Variants in DSC2 observed in about 807,000 individuals in gnomAD.
DSC2 encodes desmocollin-2.
A neutral mutation model predicts 87.6 loss-of-function variants in DSC2; 51 were observed. The observed-to-expected ratio is 0.58, with a 90% CI of 0.46 to 0.74. The LOEUF (loss-of-function observed/expected upper bound fraction) is 0.74, where lower values mean the gene tolerates loss of function less well. Ranked by LOEUF, DSC2 falls within the 30% of genes least tolerant of loss-of-function variation. DSC2 has a pLI of 0.00. For missense variants in DSC2, 1,066 were observed against 1,089.5 expected (o/e 0.98, Z 0.30); for synonymous variants, 383 against 393.2 (o/e 0.97, Z 0.31).
intron 2 of DSC2, 61 bp downstream of exon 2, chr18:31,093,498 T>A: frequency 7.6e-7 from 1 of 1,318,048 alleles, no homozygotes; most frequent in South Asian, 1.2e-5. Flanking sequence ...TGTGTAGTAT[T>A]CCATGGCGTA....
chr18:31,101,326 G>A, intron 1 of DSC2: 4 of 951,700 alleles, frequency 4.2e-6, no homozygotes, highest in Non-Finnish European at 5.0e-6. Flanking sequence ...TCCCAGAAAG[G>A]CGAGCAGTTC....
chr18:31,081,551 A>C (rs1468936870), intron 9 of DSC2, among the ~76,000 whole-genome samples: 1 of 152,224 alleles, frequency 6.6e-6, no homozygotes, highest in Non-Finnish European at 1.5e-5. Flanking sequence ...CATTGTAAGG[A>C]AAATGGATTC....
rs1033335246 is a variant in DSC2, at chr18:31,062,514, G to C, written c.*5501C>G. Reference sequence around the variant, plus strand: ...CAAGTTGAGAAAAAGAATTCTTTAGGCAATATGCAGTCTGATCTTAGCCAG... The same window carrying C: ...CAAGTTGAGAAAAAGAATTCTTTAGCCAATATGCAGTCTGATCTTAGCCAG... On this transcript the variant is annotated 3_prime_UTR_variant, in exon 16 of 16. Coordinates refer to ENST00000280904, the MANE Select transcript of DSC2 (RefSeq NM_024422.6). 5.9e-5 allele frequency: 9 copies of C among 152,056 alleles called. No individual in the cohort carries two copies. Among genetic ancestry groups the C allele is most frequent in the African/African-American group, 2.2e-4 (9 of 41,388 alleles). The allele number at this position is 152,056 out of a possible 1,614,324, so 9.4% of individuals were successfully genotyped here. A position where few individuals can be genotyped will look rare whatever the true frequency, so the allele number is the denominator to read the frequency against.
At chr18:31,076,951 A>G (rs1206398603) in intron 11 of DSC2, among the ~76,000 whole-genome samples, 1 of 152,218 alleles carries the variant, frequency 6.6e-6, no homozygotes, top group East Asian at 1.9e-4. Context: ...ATGGGAAAGA[A>G]GCTGTTGACT....
At chr18:31,094,485 A>G (rs1217090839) in intron 1 of DSC2, among the ~76,000 whole-genome samples, 2 of 152,234 alleles carry the variant, frequency 1.3e-5, no homozygotes, top group Non-Finnish European at 2.9e-5. Flanking sequence ...CCAATGCAAC[A>G]TATACGTAAA....
At chr18:31,100,348 T>C (rs1243243494) in intron 1 of DSC2, among the ~76,000 whole-genome samples, 2 of 152,242 alleles carry the variant, frequency 1.3e-5, no homozygotes, top group Admixed American at 6.5e-5. Flanking sequence ...TGCAGAGCAA[T>C]GCCACGCATT....
rs1243089078 is a variant in DSC2 at position 31,064,174 on chromosome 18, ACAT to A, written c.*3838_*3840del. On this transcript the variant is annotated 3_prime_UTR_variant, in exon 16 of 16. Transcript: ENST00000280904. Reference sequence around the variant, plus strand: ...CTCACTAGTGTCCTGAAGTTCTTTCACATCATCTGAAGCTTTTTAAAAACATGC... The same window carrying A: ...CTCACTAGTGTCCTGAAGTTCTTTCACATCTGAAGCTTTTTAAAAACATGC... 1.3e-5 allele frequency: 2 copies of A among 152,200 alleles called. No individual in the cohort carries two copies. Among genetic ancestry groups the A allele is most frequent in the African/African-American group, 4.8e-5 (2 of 41,460 alleles). The allele number at this position is 152,200 out of a possible 1,614,324, so 9.4% of individuals were successfully genotyped here.
At chr18:31,087,523 C>A (rs12968130) in intron 6 of DSC2, 146 bp downstream of exon 6, 1 of 966,668 alleles carries the variant, frequency 1.0e-6, no homozygotes, top group East Asian at 2.5e-5. Context: ...AAGCATCACA[C>A]AGCTAGTGAA....
At chr18:31,082,742 GA>G (rs1429037131) in intron 8 of DSC2, among the ~76,000 whole-genome samples, 183 bp downstream of exon 8, 1 of 152,124 alleles carries the variant, frequency 6.6e-6, no homozygotes, top group Non-Finnish European at 1.5e-5. Flanking sequence ...ATTTTCTGTA[GA>G]GACGGGATTT....
intron 7 of DSC2, 42 bp from the exon 8 acceptor site, chr18:31,083,102 A>G (rs1417593682): frequency 6.3e-7 from 1 of 1,593,498 alleles, no homozygotes; most frequent in Non-Finnish European, 8.6e-7. Flanking sequence ...GGAAAGCACC[A>G]ACATTATAAT....
At chr18:31,093,519 A>G (rs1987667871) in intron 2 of DSC2, 40 bp downstream of exon 2, 1 of 1,515,418 alleles carries the variant, frequency 6.6e-7, no homozygotes, top group Non-Finnish European at 9.1e-7. Context: ...TATGTACCAC[A>G]GCAAAACAGG....
rs146932160 is a variant in DSC2, at chr18:31,098,193, G to A, written c.69+3710C>T. Among the ~76,000 whole-genome samples the A allele has an allele frequency of 6.9e-4, 105 of 152,076 alleles. No homozygotes were observed. In the East Asian group the frequency reaches 9.7e-3, roughly 14 times the overall value. On this transcript the variant is annotated intron_variant, in intron 1 of 15. Transcript: ENST00000280904. ...TCTCAATTGTAATAAATTGGCTTTC[G>A]AAATCTAAGTCATAACTAGGCCTCG...
chr18:31,073,808 C>T (rs1403789749), intron 12 of DSC2, among the ~76,000 whole-genome samples: 1 of 152,216 alleles, frequency 6.6e-6, no homozygotes, highest in Non-Finnish European at 1.5e-5. Flanking sequence ...ATACTTATCA[C>T]TGTAGATCCT....
At chr18:31,070,933 T>G (rs906398422) in intron 13 of DSC2, 83 bp from the exon 14 acceptor site, 5 of 1,494,994 alleles carry the variant, frequency 3.3e-6, no homozygotes. Flanking sequence ...CACACATAAA[T>G]CATAAACTTA....
At chr18:31,068,760 G>A in intron 15 of DSC2, 134 bp downstream of exon 15, 3 of 1,241,830 alleles carry the variant, frequency 2.4e-6, no homozygotes, top group East Asian at 5.1e-5. Context: ...TAAAATTGAG[G>A]AAAAATAATA....
intron 3 of DSC2, chr18:31,091,490 T>G (rs1246306984): frequency 6.4e-6 from 3 of 472,164 alleles, no homozygotes; most frequent in Non-Finnish European, 1.3e-5. Context: ...AATAAGTGTG[T>G]ATGTGCCCTT....
At chr18:31,087,046 T>C (rs1234832513) in intron 6 of DSC2, among the ~76,000 whole-genome samples, 1 of 152,228 alleles carries the variant, frequency 6.6e-6, no homozygotes. Context: ...ATTCTATAAC[T>C]TTTCTCTGTT....
Position 31,068,221 on chromosome 18 carries a change from G to A in DSC2, c.2509-9C>T, listed in dbSNP as rs773056962. The A allele has an allele frequency of 2.5e-6, 4 of 1,613,728 alleles. No homozygotes were observed. In the African/African-American group the frequency reaches 5.3e-5, roughly 22 times the overall value. ...TTACACAGATACACTTTCTGCCAAG[G>A]GGAAAAACACAACGTTTTTATTATT... On this transcript the variant is annotated splice_polypyrimidine_tract_variant and intron_variant, in intron 15 of 15. Coordinates refer to ENST00000280904, the MANE Select transcript of DSC2 (RefSeq NM_024422.6).
At chr18:31,082,459 T>C (rs1213055262) in intron 8 of DSC2, 36 bp from the exon 9 acceptor site, 5 of 1,577,778 alleles carry the variant, frequency 3.2e-6, no homozygotes, top group Non-Finnish European at 4.3e-6. Flanking sequence ...ATTTCGTTAG[T>C]AACTCTCACA....
Sources: gnomAD v4.1 joint callset for allele counts (sites outside exome capture counted in the v4.1 genomes callset) on GRCh38, gnomAD v4.1.1 for gene constraint, MANE v1.5 for transcripts, NCBI Gene and HGNC (gene_info 2026-07-23, HGNC 2026-07-21) for gene names.